ASXL3: variants seen among roughly 807,000 people sequenced by gnomAD.
ASXL3 encodes putative Polycomb group protein ASXL3.
ASXL3 carries 34 observed loss-of-function variants against 170.6 expected under a neutral mutation model. The observed-to-expected ratio is 0.20, with a 90% confidence interval of 0.15 to 0.27. The LOEUF (loss-of-function observed/expected upper bound fraction) is 0.27. Ranked by LOEUF, ASXL3 falls within the 10% of genes least tolerant of loss-of-function variation. ASXL3 has a pLI of 1.00. For synonymous variants in ASXL3, 1,002 were observed against 989.1 expected (o/e 1.01, Z -0.24); for missense variants, 2,592 against 2,695.3 (o/e 0.96, Z 0.85).
At chr18:33,675,862 C>G (rs963207239) in intron 7 of ASXL3, among the ~76,000 whole-genome samples, 6 of 151,928 alleles carry the variant, frequency 3.9e-5, no homozygotes, top group African/African-American at 1.2e-4. Flanking sequence ...AATAAAACAA[C>G]AATAAGAAGA....
At chr18:33,661,260 A>G (rs1161066508) in intron 4 of ASXL3, among the ~76,000 whole-genome samples, 1 of 152,038 alleles carries the variant, frequency 6.6e-6, no homozygotes. Flanking sequence ...GTTTGTTTTT[A>G]GAATACTATG....
Position 33,744,978 on chromosome 18 carries a change from T to C in ASXL3, c.5130T>C (p.Ala1710=). 1 of 1,614,010 alleles carries C rather than the reference T, an allele frequency of 6.2e-7. No individual in the cohort carries two copies. The highest frequency in any genetic ancestry group is 8.5e-7 in the Non-Finnish European group (1 of 1,179,904). Reference sequence around the variant, plus strand: ...TACAACAAACACAGAACATGAAAGCTTCCACCTCAAGTCCCATGGAAGAGG... The same window carrying C: ...TACAACAAACACAGAACATGAAAGCCTCCACCTCAAGTCCCATGGAAGAGG... The part of the protein sequence containing the change: ...SSVQQTQNMK[A]STSSPMEEAI... The change falls in exon 12 of 12, where the codon GCT becomes GCC. Residue 1710 remains alanine (A), a synonymous_variant. Transcript: ENST00000269197.
At chr18:33,588,108 TG>T (rs1397529898) in intron 1 of ASXL3, among the ~76,000 whole-genome samples, 6 of 152,288 alleles carry the variant, frequency 3.9e-5, no homozygotes, top group Admixed American at 2.6e-4. Flanking sequence ...GATCATGCTG[TG>T]GTTTATAACC....
chr18:33,671,739 T>C lies in ASXL3; in HGVS notation c.596-8T>C, dbSNP rs2066345318. On this transcript the variant is annotated splice_polypyrimidine_tract_variant and splice_region_variant and intron_variant, in intron 6 of 11. Transcript: ENST00000269197. ...AGATAATGACATAATAACTATTTCCTTTTTTAGGATCTGAATCTAAAAATG... is the reference window on the plus strand; with the variant it reads ...AGATAATGACATAATAACTATTTCCCTTTTTAGGATCTGAATCTAAAAATG... 1.3e-6 allele frequency: 2 copies of C among 1,592,810 alleles called. No individual in the cohort carries two copies. The highest frequency in any genetic ancestry group is 1.7e-6 in the Non-Finnish European group (2 of 1,169,124).
intron 8 of ASXL3, among the ~76,000 whole-genome samples, chr18:33,691,047 T>C (rs1185095619): frequency 6.6e-6 from 1 of 152,182 alleles, no homozygotes; most frequent in African/African-American, 2.4e-5. Context: ...CTTACAATGC[T>C]TTAAGCCTCA....
intron 8 of ASXL3, among the ~76,000 whole-genome samples, chr18:33,690,948 C>A (rs927105559): frequency 4.6e-5 from 7 of 152,178 alleles, no homozygotes; most frequent in African/African-American, 1.7e-4. Context: ...TCCAGGCCAC[C>A]TCTCTGTGCT....
At chr18:33,725,689 C>A (rs1407346543) in intron 8 of ASXL3, among the ~76,000 whole-genome samples, 1 of 152,108 alleles carries the variant, frequency 6.6e-6, no homozygotes, top group East Asian at 1.9e-4. Flanking sequence ...TCAAGATATC[C>A]TTACATCAAC....
chr18:33,740,478 G>T (rs2067644951), intron 11 of ASXL3, 35 bp downstream of exon 11: 2 of 1,480,040 alleles, frequency 1.4e-6, no homozygotes, highest in African/African-American at 2.8e-5. Flanking sequence ...CAATTCCGTA[G>T]ATAGGCTTTT....
Position 33,739,170 on chromosome 18 carries a change from C to G in ASXL3, c.1766C>G (p.Ala589Gly). Residue 589 changes from alanine (A) to glycine (G), a missense_variant, in exon 11 of 12, where the codon GCT becomes GGT. Ala to Gly is a moderately conservative substitution (Grantham distance 60). Around this residue, in one of 4 missense-constraint regions of ASXL3, gnomAD observed 2,246 missense variants for 2,219.6 expected, o/e 1.01. Coordinates refer to ENST00000269197, the MANE Select transcript of ASXL3 (RefSeq NM_030632.3). Reference sequence around the variant, plus strand: ...GGCCAGTTTCCAAATGAAGGAATTGCTATAGATATGGAGCTACAGAGTGAC... The same window carrying G: ...GGCCAGTTTCCAAATGAAGGAATTGGTATAGATATGGAGCTACAGAGTGAC... ...LEGQFPNEGI[A>G]IDMELQSDPE... The G allele has an allele frequency of 3.1e-6, 5 of 1,613,738 alleles. No homozygotes were observed. Among genetic ancestry groups the G allele is most frequent in the Non-Finnish European group, 4.2e-6 (5 of 1,179,800 alleles).
chr18:33,694,996 T>A (rs1323670449), intron 8 of ASXL3, among the ~76,000 whole-genome samples: 2 of 152,146 alleles, frequency 1.3e-5, no homozygotes, highest in Admixed American at 1.3e-4. Flanking sequence ...CCTTTATAAA[T>A]GCAAATGCGA....
At chr18:33,578,791 C>G in intron 1 of ASXL3, 106 bp downstream of exon 1, 1 of 707,690 alleles carries the variant, frequency 1.4e-6, no homozygotes, top group Non-Finnish European at 1.8e-6. Context: ...CGAGCCGCCG[C>G]CCGCTCGCCG....
rs2067589113 is a variant in ASXL3, at chr18:33,738,600, C to G, written c.1196C>G (p.Ala399Gly). Residue 399 changes from alanine (A) to glycine (G), a missense_variant, in exon 11 of 12, where the codon GCC (alanine) becomes GGC (glycine). Physicochemically the swap from Ala to Gly is moderately conservative, Grantham distance 60. This residue lies in a region of ASXL3 where 2,246 missense variants were observed against 2,219.6 expected (regional missense o/e 1.01). Coordinates refer to ENST00000269197, the MANE Select transcript of ASXL3 (RefSeq NM_030632.3). ...TSGLPVSAQT[A>G]LAEQQPKSMK... The stretch of plus-strand genomic sequence containing the variant: ...GGCCTTCCAGTTTCTGCACAGACAG[C>G]CTTGGCAGAACAACAGCCAAAAAGC... The G allele has an allele frequency of 6.2e-7, 1 of 1,613,780 alleles. No homozygotes were observed. Among genetic ancestry groups the G allele is most frequent in the Non-Finnish European group, 8.5e-7 (1 of 1,179,846 alleles).
In ASXL3 at chr18:33,743,235, G is replaced by A; in HGVS notation, c.3387G>A (p.Leu1129=). The change falls in exon 12 of 12, where the codon TTG becomes TTA. Residue 1129 remains leucine, a synonymous_variant. Coordinates refer to ENST00000269197, the MANE Select transcript of ASXL3 (RefSeq NM_030632.3). Reference sequence around the variant, plus strand: ...TCCAGACCTCTAAAGAGACCCGGTTGCCTCCTCCGCTCAGCTCAAAGGAAG... The same window carrying A: ...TCCAGACCTCTAAAGAGACCCGGTTACCTCCTCCGCTCAGCTCAAAGGAAG... ...HLFQTSKETR[L]PPPLSSKEGP... is the part of the protein sequence containing the mutation. 5 of 1,613,938 alleles carry A rather than the reference G, an allele frequency of 3.1e-6. No individual in the cohort carries two copies. Among genetic ancestry groups the A allele is most frequent in the Non-Finnish European group, 4.2e-6 (5 of 1,179,856 alleles).
At chr18:33,665,699 A>G (rs577508016) in intron 5 of ASXL3, among the ~76,000 whole-genome samples, 96 of 152,324 alleles carry the variant, frequency 6.3e-4, no homozygotes, top group Non-Finnish European at 1.3e-3. Flanking sequence ...AAACCAATCC[A>G]TATTTTTAGA....
intron 1 of ASXL3, among the ~76,000 whole-genome samples, chr18:33,592,044 C>T (rs2065082943): frequency 6.6e-6 from 1 of 151,906 alleles, no homozygotes; most frequent in South Asian, 2.1e-4. Flanking sequence ...AGAATGAAAT[C>T]CTTAATCAGG....
rs1555745166 is a variant in ASXL3, at chr18:33,745,622, C to T, written c.5774C>T (p.Thr1925Ile). 1 of 1,613,980 alleles carries T rather than the reference C, an allele frequency of 6.2e-7. No individual in the cohort carries two copies. The highest frequency in any genetic ancestry group is 2.2e-5 in the East Asian group (1 of 44,872). The stretch of plus-strand genomic sequence containing the variant: ...GGCGGCTTCCACACTGACGCTGGTA[C>T]CTCACACAGACAGCAGTTTTACCAA... ...KNGGFHTDAG[T>I]SHRQQFYQMP... Residue 1925 changes from threonine (T) to isoleucine (I), a missense_variant, in exon 12 of 12, where the codon ACC becomes ATC. Physicochemically the swap from Thr to Ile is moderately conservative, Grantham distance 89. Transcript: ENST00000269197.
At chr18:33,612,328 C>G (rs895577953) in intron 2 of ASXL3, among the ~76,000 whole-genome samples, 10 of 151,990 alleles carry the variant, frequency 6.6e-5, no homozygotes, top group African/African-American at 2.4e-4. Context: ...ATTTCATCAA[C>G]TGTTTAAAGA....
chr18:33,720,388 CTTATT>C (rs1568347700), intron 8 of ASXL3, among the ~76,000 whole-genome samples: 1 of 152,004 alleles, frequency 6.6e-6, no homozygotes, highest in Non-Finnish European at 1.5e-5. Flanking sequence ...ATAACATAAC[CTTATT>C]TTATCTATAC....
chr18:33,631,263 C>T (rs549822905), intron 2 of ASXL3, among the ~76,000 whole-genome samples: 23 of 152,158 alleles, frequency 1.5e-4, no homozygotes, highest in East Asian at 3.9e-4. Context: ...GGAGCTCTAA[C>T]GCATAAAACT....
Sources: allele counts gnomAD v4.1 joint callset (sites outside exome capture counted in the v4.1 genomes callset), GRCh38; gene constraint gnomAD v4.1.1; regional missense constraint gnomAD v4.1.1; transcripts MANE v1.5; gene names NCBI Gene and HGNC (gene_info 2026-07-23, HGNC 2026-07-21).